SPIRE1: variants seen among roughly 807,000 people sequenced by gnomAD.
SPIRE1 encodes protein spire homolog 1.
A neutral mutation model predicts 94.1 loss-of-function variants in SPIRE1; 40 were observed. The observed-to-expected ratio is 0.43, with a 90% CI of 0.33 to 0.55. The LOEUF is 0.55. SPIRE1 is among the 20% of genes least tolerant of loss of function. SPIRE1 has a pLI of 0.06. For synonymous variants in SPIRE1, 376 were observed against 371.7 expected (o/e 1.01, Z -0.13); for missense variants, 838 against 975.2 (o/e 0.86, Z 1.87).
At chr18:12,499,649 G>A (rs919725839) in intron 6 of SPIRE1, among the ~76,000 whole-genome samples, 1 of 152,112 alleles carries the variant, frequency 6.6e-6, no homozygotes, top group African/African-American at 2.4e-5. Flanking sequence ...TCTCAGGTGA[G>A]AACATAAGGG....
At chr18:12,560,686 A>G (rs905410160) in intron 2 of SPIRE1, among the ~76,000 whole-genome samples, 6 of 152,146 alleles carry the variant, frequency 3.9e-5, no homozygotes, top group African/African-American at 1.4e-4. Context: ...CCCCATCTCT[A>G]CTAAAAATAC....
At position 12,448,302 on chromosome 18, in the gene SPIRE1, C is replaced by T. The variant is rs2031043304; in HGVS notation, c.*1336G>A. 1.3e-5 allele frequency: 2 copies of T among 152,712 alleles called. No homozygotes were observed. Among genetic ancestry groups the T allele is most frequent in the African/African-American group, 4.8e-5 (2 of 41,562 alleles). 9.5% of individuals were successfully genotyped at this position (152,712 alleles called of 1,614,324 possible). The stretch of plus-strand genomic sequence containing the variant: ...CCGCCATGCCTTTCATGAAACGGTG[C>T]TATCGTGGTGCTGACTACAGACATG... On this transcript the variant is annotated 3_prime_UTR_variant, in exon 17 of 17. Coordinates refer to ENST00000409402, the MANE Select transcript of SPIRE1 (RefSeq NM_001128626.2). The surrounding 1 kb of genome is among the most constrained non-coding windows in gnomAD (Gnocchi z 4.4).
intron 1 of SPIRE1, among the ~76,000 whole-genome samples, chr18:12,642,809 A>C (rs1419413304): frequency 6.6e-6 from 1 of 152,176 alleles, no homozygotes; most frequent in African/African-American, 2.4e-5. Context: ...ACAAATATGT[A>C]ATGCCTGTGG....
intron 1 of SPIRE1, among the ~76,000 whole-genome samples, chr18:12,648,491 C>T (rs1490865080): frequency 1.3e-5 from 2 of 151,674 alleles, no homozygotes; most frequent in Non-Finnish European, 2.9e-5. Flanking sequence ...CCAGTACTTG[C>T]CAAGACTGTC....
rs2037786680 is a variant in SPIRE1 at position 12,631,696 on chromosome 18, C to T, written c.372+3366G>A. Among the ~76,000 whole-genome samples the T allele has an allele frequency of 2.0e-5, 3 of 152,066 alleles. No homozygotes were observed. In the South Asian group the frequency reaches 6.2e-4, roughly 32 times the overall value. On this transcript the variant is annotated intron_variant, in intron 2 of 16. Transcript: ENST00000409402. ...CACAACCAGCCTGGCAAAACCCTGTCTCTACTAAAAATACAAAAATTAGCC... is the reference window on the plus strand; with the variant it reads ...CACAACCAGCCTGGCAAAACCCTGTTTCTACTAAAAATACAAAAATTAGCC...
At chr18:12,456,337 A>C (rs952167706) in intron 12 of SPIRE1, among the ~76,000 whole-genome samples, 1 of 152,196 alleles carries the variant, frequency 6.6e-6, no homozygotes, top group East Asian at 1.9e-4. Flanking sequence ...TAGGCCATTA[A>C]AACTGTGCAC....
At chr18:12,658,190 G>T (rs571238760), upstream of SPIRE1, 1,769 of 743,552 alleles carry the variant, frequency 2.4e-3, 22 homozygotes, top group African/African-American at 0.031. Context: ...CGGGCCGGGG[G>T]ATGCACGCTC....
At chr18:12,473,640 T>A (rs1229952979) in intron 10 of SPIRE1, among the ~76,000 whole-genome samples, 1 of 151,916 alleles carries the variant, frequency 6.6e-6, no homozygotes, top group Non-Finnish European at 1.5e-5. Flanking sequence ...TAAGGAGTTT[T>A]TTCTTTTTAT....
At chr18:12,506,425 C>T (rs2033834181) in intron 6 of SPIRE1, 52 bp downstream of exon 6, 1 of 1,550,924 alleles carries the variant, frequency 6.4e-7, no homozygotes, top group East Asian at 2.2e-5. Flanking sequence ...TCCCAAAGTG[C>T]TGGGATTACA....
intron 4 of SPIRE1, among the ~76,000 whole-genome samples, chr18:12,512,868 G>A (rs1418351118): frequency 1.3e-5 from 2 of 149,792 alleles, no homozygotes; most frequent in Non-Finnish European, 3.0e-5. Flanking sequence ...CTGGGCTTCT[G>A]AAGCAATCTG....
At chr18:12,568,777 T>A (rs1237793582) in intron 2 of SPIRE1, among the ~76,000 whole-genome samples, 1 of 152,206 alleles carries the variant, frequency 6.6e-6, no homozygotes, top group Non-Finnish European at 1.5e-5. Context: ...AGCCAAGATA[T>A]AAATTATTTC....
At chr18:12,468,677 A>G (rs2032222025) in intron 10 of SPIRE1, among the ~76,000 whole-genome samples, 1 of 152,142 alleles carries the variant, frequency 6.6e-6, no homozygotes, top group Admixed American at 6.6e-5. Flanking sequence ...ATAACTCAGC[A>G]TTTCTCAGAA....
intron 2 of SPIRE1, among the ~76,000 whole-genome samples, chr18:12,599,028 T>A (rs369460793): frequency 6.0e-4 from 91 of 152,308 alleles, no homozygotes; most frequent in African/African-American, 1.9e-3. Flanking sequence ...TTATTCACAT[T>A]TTCTTTCACA....
At chr18:12,472,933 C>T (rs9947549) in intron 10 of SPIRE1, among the ~76,000 whole-genome samples, 111 of 152,258 alleles carry the variant, frequency 7.3e-4, no homozygotes, top group African/African-American at 2.4e-3. Context: ...GCTGGGATTA[C>T]AGGCATGCAT....
chr18:12,502,951 T>G (rs997397690), intron 6 of SPIRE1, among the ~76,000 whole-genome samples: 17 of 151,610 alleles, frequency 1.1e-4, no homozygotes, highest in African/African-American at 3.4e-4. Flanking sequence ...CTACTAAAAA[T>G]ACAAAAAAGT....
intron 10 of SPIRE1, among the ~76,000 whole-genome samples, chr18:12,469,215 T>G (rs151041986): frequency 8.7e-4 from 133 of 152,228 alleles, no homozygotes; most frequent in African/African-American, 2.9e-3. Flanking sequence ...TTATTATTAT[T>G]ATTTTGAAAC....
chr18:12,650,774 G>A (rs1467097271), intron 1 of SPIRE1, among the ~76,000 whole-genome samples: 1 of 151,298 alleles, frequency 6.6e-6, no homozygotes, highest in Non-Finnish European at 1.5e-5. Context: ...AGCTACTCGG[G>A]AGGCTGAGGT....
chr18:12,550,887 T>C (rs1022759856), intron 2 of SPIRE1, among the ~76,000 whole-genome samples: 1 of 152,216 alleles, frequency 6.6e-6, no homozygotes, highest in African/African-American at 2.4e-5. Flanking sequence ...CAGCAACTAC[T>C]TCTCAATCTG....
At chr18:12,460,568 C>T (rs762278490) in intron 12 of SPIRE1, among the ~76,000 whole-genome samples, 75 of 152,052 alleles carry the variant, frequency 4.9e-4, no homozygotes, top group African/African-American at 1.7e-3. Context: ...CAAAATTAGC[C>T]GGGTGTGGTG....
Sources: gnomAD v4.1 joint callset for allele counts (sites outside exome capture counted in the v4.1 genomes callset) on GRCh38, gnomAD v4.1.1 for gene constraint, Gnocchi (gnomAD v3.1) non-coding constraint, MANE v1.5 for transcripts, NCBI Gene and HGNC (gene_info 2026-07-23, HGNC 2026-07-21) for gene names.